The following PIK3CD variants were observed in gnomAD, a reference collection of about 807,000 sequenced individuals.
PIK3CD encodes the protein phosphatidylinositol 4,5-bisphosphate 3-kinase catalytic subunit delta isoform.
In PIK3CD, 20 loss-of-function variants were observed where a neutral mutation model predicts 122.9. That is an observed-to-expected ratio of 0.16 (90% confidence interval 0.11 to 0.24). The LOEUF (loss-of-function observed/expected upper bound fraction) is 0.24, where lower values mean the gene tolerates loss of function less well. Ranked by LOEUF, PIK3CD falls within the 10% of genes least tolerant of loss-of-function variation. PIK3CD has a pLI of 1.00. For missense variants in PIK3CD, 787 were observed against 1,406.3 expected (o/e 0.56, Z 7.04); for synonymous variants, 596 against 593.4 (o/e 1.00, Z -0.06).
At chr1:9,714,613 T>G (rs1329115053) in intron 3 of PIK3CD, among the ~76,000 whole-genome samples, 1 of 152,150 alleles carries the variant, frequency 6.6e-6, no homozygotes, top group African/African-American at 2.4e-5. Flanking sequence ...GCCGGGCACA[T>G]AGAGCTGCTT....
chr1:9,719,877 G>C lies in PIK3CD; in HGVS notation c.1243-44G>C. On this transcript the variant is annotated intron_variant, in intron 9 of 23. Transcript: ENST00000377346. This position sits in a 1 kb window ranked among gnomAD's most constrained non-coding sequence, Gnocchi z 5.5. ...GGGGAGGGCAGGGAAGCTGGGTCTG[G>C]AGGCCCCTGAGTGGCTGTCCTCACC... The C allele has an allele frequency of 6.6e-7, 1 of 1,521,610 alleles. No homozygotes were observed. The highest frequency in any genetic ancestry group is 9.1e-7 in the Non-Finnish European group (1 of 1,096,506). 94.3% of individuals were successfully genotyped at this position (1,521,610 alleles called of 1,614,324 possible). A position where few individuals can be genotyped will look rare whatever the true frequency, so the allele number is the denominator to read the frequency against.
In PIK3CD at chr1:9,712,046, A is replaced by G. The variant is rs980387382; in HGVS notation, c.141+1450A>G. Among the ~76,000 whole-genome samples the G allele has an allele frequency of 7.4e-4, 111 of 150,692 alleles. 1 individual carries two copies. Among genetic ancestry groups the G allele is most frequent in the Middle Eastern group, 3.5e-3 (1 of 286 alleles). On this transcript the variant is annotated intron_variant, in intron 3 of 23. Coordinates refer to ENST00000377346, the MANE Select transcript of PIK3CD (RefSeq NM_005026.5). ...CGAGTAGCTGGGACTACAGGCGCCC[A>G]CCACCACGCCCGGCTAATTTTTTGT...
chr1:9,631,170 G>T, the PIK3CD span, among the ~76,000 whole-genome samples: 2 of 152,194 alleles, frequency 1.3e-5, no homozygotes, highest in African/African-American at 4.8e-5. Context: ...CATCACACCT[G>T]TCAAGCTGCT....
At position 9,718,749 on chromosome 1, in the gene PIK3CD, C is replaced by A; in HGVS notation, c.1076C>A (p.Ser359Tyr). 1 of 1,609,754 alleles carries A rather than the reference C, an allele frequency of 6.2e-7. No homozygotes were observed. The highest frequency in any genetic ancestry group is 8.5e-7 in the Non-Finnish European group (1 of 1,179,946). Residue 359 changes from serine (S) to tyrosine (Y), a missense_variant, in exon 9 of 24, where the codon TCC becomes TAC. Physicochemically the swap from Ser to Tyr is moderately radical, Grantham distance 144 (BLOSUM62 -2). Coordinates refer to ENST00000377346, the MANE Select transcript of PIK3CD (RefSeq NM_005026.5). This position sits in a 1 kb window ranked among gnomAD's most constrained non-coding sequence, Gnocchi z 7.2. ...AACGAGATGCTGTGCAAGACGGTGT[C>A]CAGCTCGGAGGTGAGCGTGTGCTCG... Reference protein sequence around the residue: ...HGNEMLCKTVSSSEVSVCSEP... With the variant: ...HGNEMLCKTVYSSEVSVCSEP...
intron 1 of PIK3CD, among the ~76,000 whole-genome samples, chr1:9,665,201 CAA>C (rs756515572): frequency 4.3e-4 from 23 of 52,974 alleles, no homozygotes; most frequent in African/African-American, 6.7e-4. Flanking sequence ...GACAGCCTGT[CAA>C]AAAAAAAAAA....
At chr1:9,694,669 A>G (rs1336654359) in intron 2 of PIK3CD, among the ~76,000 whole-genome samples, 1 of 152,128 alleles carries the variant, frequency 6.6e-6, no homozygotes, top group Non-Finnish European at 1.5e-5. Flanking sequence ...CCCACATGGA[A>G]TGAGATTTAC....
chr1:9,665,456 A>G (rs142129226), intron 1 of PIK3CD, among the ~76,000 whole-genome samples: 1 of 150,066 alleles, frequency 6.7e-6, no homozygotes, highest in Non-Finnish European at 1.5e-5. Context: ...GAGCGCTCAC[A>G]AGCTCTTGCC....
chr1:9,681,794 G>A (rs1645763697), intron 1 of PIK3CD, among the ~76,000 whole-genome samples: 1 of 152,200 alleles, frequency 6.6e-6, no homozygotes, highest in African/African-American at 2.4e-5. Context: ...GAATGTGGGT[G>A]GGGGCTACAC....
chr1:9,673,591 C>T (rs1033518825), intron 1 of PIK3CD, among the ~76,000 whole-genome samples: 1 of 151,690 alleles, frequency 6.6e-6, no homozygotes, highest in Non-Finnish European at 1.5e-5. Context: ...TTAGTAGAGA[C>T]GAAGTCTGGC....
In PIK3CD at chr1:9,716,469, G is replaced by A; in HGVS notation, c.630G>A (p.Lys210=). The A allele has an allele frequency of 1.2e-6, 2 of 1,611,132 alleles. No homozygotes were observed. The highest frequency in any genetic ancestry group is 1.7e-6 in the Non-Finnish European group (2 of 1,179,930). ...GCTTCACCTTCCAGGTGTCCACCAA[G>A]GACGTGCCGCTGGCGCTGATGGCCT... ...EESFTFQVST[K]DVPLALMACA... Residue 210 remains lysine, a synonymous_variant, in exon 6 of 24, where the codon AAG becomes AAA. Coordinates refer to ENST00000377346, the MANE Select transcript of PIK3CD (RefSeq NM_005026.5).
intron 5 of PIK3CD, 47 bp from the exon 6 acceptor site, chr1:9,716,393 C>A (rs781107019): frequency 2.5e-6 from 4 of 1,594,550 alleles, no homozygotes; most frequent in Non-Finnish European, 2.6e-6. Flanking sequence ...GCCCCAGAAC[C>A]CCGGGGGGCC....
intron 1 of PIK3CD, among the ~76,000 whole-genome samples, chr1:9,664,085 T>A (rs1268611384): frequency 6.8e-6 from 1 of 146,824 alleles, no homozygotes; most frequent in East Asian, 2.1e-4. Context: ...AGTCTCACTC[T>A]GTCGCCCAGG....
chr1:9,710,346 T>C lies in PIK3CD; in HGVS notation c.-32-78T>C, dbSNP rs367859258. 1.5e-4 allele frequency: 176 copies of C among 1,193,980 alleles called. No individual in the cohort carries two copies. The African/African-American group carries it at 2.2e-3, about 15-fold the overall frequency. The allele number at this position is 1,193,980 out of a possible 1,614,324, so 74.0% of individuals were successfully genotyped here. A position where few individuals can be genotyped will look rare whatever the true frequency, so the allele number is the denominator to read the frequency against. ...GCTTCCTGCTGTCCAAGGACCCCAC[T>C]GTTTTCCAGGGAGTCCCTTCCAAAG... is the stretch of plus-strand genomic sequence containing the variant. On this transcript the variant is annotated intron_variant, in intron 2 of 23. Transcript: ENST00000377346. This position sits in a 1 kb window ranked among gnomAD's most constrained non-coding sequence, Gnocchi z 4.7.
Position 9,722,507 on chromosome 1 carries a change from T to C in PIK3CD, c.2348-21T>C. The stretch of plus-strand genomic sequence containing the variant: ...ACCTACCAGAAACTCACGCTTCTCC[T>C]CCCACCGGCCGGTGGCACAGACCTC... On this transcript the variant is annotated intron_variant, in intron 18 of 23. Coordinates refer to ENST00000377346, the MANE Select transcript of PIK3CD (RefSeq NM_005026.5). This position sits in a 1 kb window ranked among gnomAD's most constrained non-coding sequence, Gnocchi z 7.6. The C allele has an allele frequency of 6.2e-7, 1 of 1,607,480 alleles. No individual in the cohort carries two copies. The highest frequency in any genetic ancestry group is 8.5e-7 in the Non-Finnish European group (1 of 1,174,644).
intron 2 of PIK3CD, among the ~76,000 whole-genome samples, chr1:9,703,729 G>A (rs1258748028): frequency 1.3e-5 from 2 of 152,140 alleles, no homozygotes; most frequent in Admixed American, 1.3e-4. Context: ...CTCAGAAAGA[G>A]TATCACACAT....
intron 1 of PIK3CD, among the ~76,000 whole-genome samples, chr1:9,658,138 T>A (rs968215643): frequency 3.3e-5 from 5 of 152,076 alleles, no homozygotes; most frequent in Non-Finnish European, 7.4e-5. Context: ...TTCCTAATGC[T>A]TTGGGAAGCT....
At chr1:9,696,255 A>G (rs1646412852) in intron 2 of PIK3CD, among the ~76,000 whole-genome samples, 1 of 151,766 alleles carries the variant, frequency 6.6e-6, no homozygotes, top group Non-Finnish European at 1.5e-5. Flanking sequence ...TACAGGTGTG[A>G]GCCATGGCAC....
chr1:9,711,009 T>G (rs1570338980), intron 3 of PIK3CD, among the ~76,000 whole-genome samples: 1 of 152,206 alleles, frequency 6.6e-6, no homozygotes, highest in Non-Finnish European at 1.5e-5. Flanking sequence ...GGTCTCAAAC[T>G]CCCGACCTCA....
intron 2 of PIK3CD, among the ~76,000 whole-genome samples, chr1:9,706,996 A>G (rs1355968038): frequency 7.8e-6 from 1 of 128,184 alleles, no homozygotes; most frequent in Admixed American, 7.9e-5. Flanking sequence ...TTTTTTTTGT[A>G]GAGATGGGCT....
Sources: allele counts gnomAD v4.1 joint callset (sites outside exome capture counted in the v4.1 genomes callset), GRCh38; gene constraint gnomAD v4.1.1; non-coding constraint Gnocchi (gnomAD v3.1); transcripts MANE v1.5; gene names NCBI Gene and HGNC (gene_info 2026-07-23, HGNC 2026-07-21).